Variants in MAP4K3 observed in about 807,000 individuals in gnomAD.
MAP4K3 encodes the protein mitogen-activated protein kinase kinase kinase kinase 3, also known as MAPK/ERK kinase kinase kinase 3.
MAP4K3 carries 94 observed loss-of-function variants against 143.5 expected under a neutral mutation model. The observed-to-expected ratio is 0.65, with a 90% confidence interval of 0.55 to 0.78. The LOEUF (loss-of-function observed/expected upper bound fraction) is 0.78. Ranked by LOEUF, MAP4K3 falls within the 30% of genes least tolerant of loss-of-function variation. The pLI, the probability that MAP4K3 is intolerant of heterozygous loss-of-function variation, is 0.00. For synonymous variants in MAP4K3, 416 were observed against 347.2 expected, an observed-to-expected ratio of 1.20 and a Z score of -2.20; for missense variants, 1,077 against 1,068.1, an observed-to-expected ratio of 1.01 and a Z score of -0.12.
chr2:39,435,331 C>A (rs989462565), intron 1 of MAP4K3, among the ~76,000 whole-genome samples: 2 of 152,184 alleles, frequency 1.3e-5, no homozygotes, highest in Non-Finnish European at 2.9e-5. Context: ...CTAAACAAGT[C>A]CGATCTCCTA....
chr2:39,400,836 G>A (rs540139002), intron 1 of MAP4K3, among the ~76,000 whole-genome samples: 1 of 152,170 alleles, frequency 6.6e-6, no homozygotes, highest in South Asian at 2.1e-4. Flanking sequence ...GTAGCAGAAA[G>A]CAGCTATACC....
chr2:39,368,128 C>T (rs1665975520), intron 2 of MAP4K3, among the ~76,000 whole-genome samples: 1 of 152,118 alleles, frequency 6.6e-6, no homozygotes, highest in African/African-American at 2.4e-5. Context: ...TAACTCAGGA[C>T]TGAATTTCTA....
chr2:39,368,533 G>C (rs1665988708), intron 2 of MAP4K3, among the ~76,000 whole-genome samples: 1 of 151,990 alleles, frequency 6.6e-6, no homozygotes, highest in Non-Finnish European at 1.5e-5. Flanking sequence ...GCTGGGTGTG[G>C]TGATGCACAC....
At chr2:39,404,240 C>G (rs1244525215) in intron 1 of MAP4K3, among the ~76,000 whole-genome samples, 2 of 152,204 alleles carry the variant, frequency 1.3e-5, no homozygotes, top group Non-Finnish European at 2.9e-5. Flanking sequence ...TAGGTACCAG[C>G]TCAGCCACAG....
chr2:39,385,347 G>A (rs1573225654), intron 1 of MAP4K3, among the ~76,000 whole-genome samples: 1 of 151,814 alleles, frequency 6.6e-6, no homozygotes, highest in East Asian at 1.9e-4. Context: ...GCCAAGAGCT[G>A]GCATTGTATT....
At chr2:39,284,003 T>A (rs1208479286) in intron 21 of MAP4K3, among the ~76,000 whole-genome samples, 1 of 152,220 alleles carries the variant, frequency 6.6e-6, no homozygotes, top group African/African-American at 2.4e-5. Context: ...TAAAATGACA[T>A]ACTTTGTAGA....
intron 23 of MAP4K3, 69 bp downstream of exon 23, chr2:39,280,203 T>C (rs1454907218): frequency 2.3e-6 from 2 of 888,658 alleles, no homozygotes; most frequent in East Asian, 2.7e-5. Flanking sequence ...ATAAACAAAA[T>C]CACAAATGCT....
At position 39,325,584 on chromosome 2, in the gene MAP4K3, C is replaced by T. The variant is rs1573153566; in HGVS notation, c.852G>A (p.Glu284=). 6.2e-7 allele frequency: 1 copy of T among 1,613,098 alleles called. No individual in the cohort carries two copies. The highest frequency in any genetic ancestry group is 1.3e-5 in the African/African-American group (1 of 74,842). The part of the protein sequence containing the change: ...TQHLTRSLAI[E]LLDKVNNPDH... ...CTGGATTATTTACTTTATCCAACAGCTCGATTGCCAAAGACCGTGTCAAAT... is the reference window on the plus strand; with the variant it reads ...CTGGATTATTTACTTTATCCAACAGTTCGATTGCCAAAGACCGTGTCAAAT... Residue 284 remains glutamate, a synonymous_variant, in exon 12 of 34, where the codon GAG becomes GAA. Transcript: ENST00000263881.
At chr2:39,401,107 T>G (rs1666942636) in intron 1 of MAP4K3, among the ~76,000 whole-genome samples, 1 of 152,112 alleles carries the variant, frequency 6.6e-6, no homozygotes, top group African/African-American at 2.4e-5. Flanking sequence ...AGATGGAGCC[T>G]GATGGTCACC....
rs748658626 is a variant in MAP4K3, at chr2:39,290,267, C to A, written c.1314+25G>T. On this transcript the variant is annotated intron_variant, in intron 19 of 33. Coordinates refer to ENST00000263881, the MANE Select transcript of MAP4K3 (RefSeq NM_003618.4). ...TGGCAGAACAATAACACACATATAT[C>A]AAATTGAAAAATAAATCTGTCTACC... The A allele has an allele frequency of 1.9e-6, 3 of 1,582,400 alleles. No individual in the cohort carries two copies. The South Asian group carries it at 3.5e-5, about 18-fold the overall frequency.
intron 21 of MAP4K3, among the ~76,000 whole-genome samples, chr2:39,286,476 C>G (rs1369691454): frequency 6.6e-6 from 1 of 152,092 alleles, no homozygotes; most frequent in South Asian, 2.1e-4. Flanking sequence ...TCCTTCTTTC[C>G]GTAACTTCAT....
chr2:39,341,288 T>C (rs1665132086), intron 4 of MAP4K3, among the ~76,000 whole-genome samples: 1 of 152,126 alleles, frequency 6.6e-6, no homozygotes, highest in South Asian at 2.1e-4. Flanking sequence ...AGAAAATACC[T>C]ATCTATACCC....
rs191265082 is a variant in MAP4K3, at chr2:39,420,666, G to C, written c.96+16226C>G. ...GGCCTCAAGCAATCCTCCCACCTCA[G>C]CATCCTGAAGTGTTGGAATTACAAG... On this transcript the variant is annotated intron_variant, in intron 1 of 33. Transcript: ENST00000263881. Among the ~76,000 whole-genome samples, 995 of 151,930 alleles carry C rather than the reference G, an allele frequency of 6.5e-3. 5 individuals carry two copies. The highest frequency in any genetic ancestry group is 0.011 in the Admixed American group (162 of 15,254).
rs567485380 is a variant in MAP4K3 at position 39,434,173 on chromosome 2, C to G, written c.96+2719G>C. On this transcript the variant is annotated intron_variant, in intron 1 of 33. Transcript: ENST00000263881. ...TAATCCAATCATTCCATTTTTAGCACGTAAATGCTGACAAATTAAGGAACA... is the reference window on the plus strand; with the variant it reads ...TAATCCAATCATTCCATTTTTAGCAGGTAAATGCTGACAAATTAAGGAACA... 8.5e-5 allele frequency among the ~76,000 whole-genome samples: 13 copies of G among 152,196 alleles called. No homozygotes were observed. In the South Asian group the frequency reaches 2.5e-3, roughly 29 times the overall value.
At chr2:39,266,498 T>C (rs1468068781) in intron 27 of MAP4K3, among the ~76,000 whole-genome samples, 1 of 152,206 alleles carries the variant, frequency 6.6e-6, no homozygotes, top group African/African-American at 2.4e-5. Context: ...CTTTATGATT[T>C]TTTTTTTGCC....
intron 1 of MAP4K3, among the ~76,000 whole-genome samples, chr2:39,406,038 A>G (rs1165613824): frequency 6.6e-6 from 1 of 152,114 alleles, no homozygotes; most frequent in African/African-American, 2.4e-5. Context: ...TTTAACAAAG[A>G]CACTGAAATA....
At chr2:39,265,405 C>T in intron 27 of MAP4K3, 99 bp from the exon 28 acceptor site, 1 of 810,886 alleles carries the variant, frequency 1.2e-6, no homozygotes, top group Non-Finnish European at 2.1e-6. Flanking sequence ...ACAAACTAAA[C>T]ATAAAACAAA....
At chr2:39,259,517 T>C (rs932328494) in intron 29 of MAP4K3, among the ~76,000 whole-genome samples, 1 of 152,210 alleles carries the variant, frequency 6.6e-6, no homozygotes, top group African/African-American at 2.4e-5. Flanking sequence ...ATGCAAATTT[T>C]CAGGTATACA....
chr2:39,288,049 T>A, intron 20 of MAP4K3, 72 bp downstream of exon 20: 2 of 1,562,296 alleles, frequency 1.3e-6, no homozygotes, highest in Non-Finnish European at 1.7e-6. Flanking sequence ...AATAATCTCT[T>A]AAAAGAAAGT....
Sources: gnomAD v4.1 joint callset for allele counts (sites outside exome capture counted in the v4.1 genomes callset) on GRCh38, gnomAD v4.1.1 for gene constraint, MANE v1.5 for transcripts, NCBI Gene and HGNC (gene_info 2026-07-23, HGNC 2026-07-21) for gene names.